The following SMCHD1 variants were observed in gnomAD, a reference collection of about 807,000 sequenced individuals.
The protein encoded by SMCHD1 is structural maintenance of chromosomes flexible hinge domain-containing protein 1.
Under a neutral mutation model 254.7 loss-of-function variants are expected in SMCHD1, and 78 were observed. The ratio of observed to expected loss-of-function variants is 0.31; its 90% CI spans 0.26 to 0.37. The LOEUF (loss-of-function observed/expected upper bound fraction) is 0.37. Ranked by LOEUF, SMCHD1 falls within the 10% of genes least tolerant of loss-of-function variation. SMCHD1 has a pLI of 1.00. For missense variants in SMCHD1, 1,840 were observed against 2,408.1 expected (o/e 0.76, Z 4.94); for synonymous variants, 766 against 794.9 (o/e 0.96, Z 0.61).
At chr18:2,683,198 G>A (rs910364685) in intron 5 of SMCHD1, among the ~76,000 whole-genome samples, 1 of 151,642 alleles carries the variant, frequency 6.6e-6, no homozygotes, top group Middle Eastern at 3.2e-3. Context: ...TAGAAGTATT[G>A]CCATAGTAAC....
At chr18:2,738,048 C>A (rs1317928815) in intron 25 of SMCHD1, among the ~76,000 whole-genome samples, 1 of 152,104 alleles carries the variant, frequency 6.6e-6, no homozygotes, top group Non-Finnish European at 1.5e-5. Flanking sequence ...GGATTCTTTT[C>A]AAAAAATAAT....
rs79163865 is a variant in SMCHD1 at position 2,708,243 on chromosome 18, A to AATTACAGTATTG, written c.2260+335_2260+346dup. 0.19 allele frequency among the ~76,000 whole-genome samples: 29,138 copies of AATTACAGTATTG among 151,806 alleles called. 3,056 individuals are homozygous for AATTACAGTATTG. The highest frequency in any genetic ancestry group is 0.27 in the South Asian group (1,279 of 4,788). On this transcript the variant is annotated intron_variant, in intron 17 of 47. Transcript: ENST00000320876. ...TTACAGTTCTAATAATTACAGTAATAATTACAGTATTGATTACAGTATTAT... is the reference window on the plus strand; with the variant it reads ...TTACAGTTCTAATAATTACAGTAATAATTACAGTATTGATTACAGTATTGATTACAGTATTAT...
intron 5 of SMCHD1, among the ~76,000 whole-genome samples, chr18:2,686,528 C>T (rs1182462981): frequency 6.6e-6 from 1 of 152,028 alleles, no homozygotes; most frequent in African/African-American, 2.4e-5. Context: ...AACATATAGT[C>T]TGTTTTTCTC....
At chr18:2,656,569 G>A (rs1174260418) in intron 1 of SMCHD1, among the ~76,000 whole-genome samples, 1 of 152,260 alleles carries the variant, frequency 6.6e-6, no homozygotes, top group Non-Finnish European at 1.5e-5. Flanking sequence ...GGCGAGCTTA[G>A]CCCGGTTGCG....
intron 3 of SMCHD1, among the ~76,000 whole-genome samples, chr18:2,671,515 T>G (rs1196541379): frequency 6.6e-6 from 1 of 152,072 alleles, no homozygotes; most frequent in Non-Finnish European, 1.5e-5. Flanking sequence ...TCCCGGGTCT[T>G]TCCCTACTTC....
intron 22 of SMCHD1, 140 bp from the exon 23 acceptor site, chr18:2,728,317 A>G (rs2075064595): frequency 1.3e-6 from 1 of 776,618 alleles, no homozygotes; most frequent in Non-Finnish European, 2.0e-6. Flanking sequence ...CTGATTAAGC[A>G]TGGACATTGC....
chr18:2,801,774 T>C (rs771116252), intron 47 of SMCHD1, among the ~76,000 whole-genome samples: 1 of 152,168 alleles, frequency 6.6e-6, no homozygotes, highest in Non-Finnish European at 1.5e-5. Flanking sequence ...AAATGTCATT[T>C]TATGAAACAT....
chr18:2,666,470 A>G (rs2073442524), intron 2 of SMCHD1, among the ~76,000 whole-genome samples: 1 of 152,236 alleles, frequency 6.6e-6, no homozygotes, highest in Admixed American at 6.5e-5. Context: ...TCTGCCTAGC[A>G]CAAATCTTCT....
intron 8 of SMCHD1, among the ~76,000 whole-genome samples, chr18:2,695,776 A>T (rs1234588038): frequency 2.0e-5 from 3 of 152,168 alleles, no homozygotes; most frequent in Admixed American, 6.5e-5. Context: ...TGTTCTTGAG[A>T]GTCTCAATTT....
chr18:2,709,420 G>T (rs544016549), intron 17 of SMCHD1, among the ~76,000 whole-genome samples: 49 of 152,150 alleles, frequency 3.2e-4, no homozygotes, highest in African/African-American at 1.1e-3. Flanking sequence ...TCCCAAAAGT[G>T]GACTTGCTGG....
At chr18:2,703,103 AAG>A (rs775642755) in intron 12 of SMCHD1, among the ~76,000 whole-genome samples, 13 of 152,218 alleles carry the variant, frequency 8.5e-5, no homozygotes, top group Non-Finnish European at 1.6e-4. Flanking sequence ...CTATATATAA[AAG>A]AGAAAATTAA....
chr18:2,687,979 C>A (rs1008088435), intron 5 of SMCHD1, among the ~76,000 whole-genome samples: 2 of 152,154 alleles, frequency 1.3e-5, no homozygotes, highest in African/African-American at 2.4e-5. Context: ...CAGAGCTCTT[C>A]ATTTATCATG....
intron 25 of SMCHD1, among the ~76,000 whole-genome samples, chr18:2,735,657 A>C (rs2075234494): frequency 6.6e-6 from 1 of 152,184 alleles, no homozygotes; most frequent in Non-Finnish European, 1.5e-5. Flanking sequence ...AATCAGTAAC[A>C]CAGTCCCATT....
At position 2,738,469 on chromosome 18, in the gene SMCHD1, T is replaced by G. The variant is rs1487238736; in HGVS notation, c.3349T>G (p.Ser1117Ala). Residue 1117 changes from serine to alanine, a missense_variant, in exon 26 of 48, where the codon TCT becomes GCT. By Grantham distance (99) the Ser-to-Ala change is moderately conservative (BLOSUM62 1). Coordinates refer to ENST00000320876, the MANE Select transcript of SMCHD1 (RefSeq NM_015295.3). ...GLLPDVQVPTSVKDMRYCQVS... is the reference protein window; with the variant it reads ...GLLPDVQVPTAVKDMRYCQVS... ...GCTTCCTGATGTGCAAGTACCAACA[T>G]CTGTAAAAGATATGCGCTATTGCCA... 1.9e-6 allele frequency: 3 copies of G among 1,612,700 alleles called. No homozygotes were observed. Among genetic ancestry groups the G allele is most frequent in the South Asian group, 2.2e-5 (2 of 90,896 alleles).
intron 3 of SMCHD1, among the ~76,000 whole-genome samples, chr18:2,669,889 TTCTCATACC>T (rs1315578385): frequency 1.2e-4 from 18 of 152,208 alleles, no homozygotes; most frequent in African/African-American, 7.2e-5. Flanking sequence ...ATACTTGTAT[TTCTCATACC>T]TCTCATACCT....
Position 2,678,301 on chromosome 18 carries a change from TCC to T in SMCHD1, c.638+4157_638+4158del, listed in dbSNP as rs1378978411. On this transcript the variant is annotated intron_variant, in intron 5 of 47. Coordinates refer to ENST00000320876, the MANE Select transcript of SMCHD1 (RefSeq NM_015295.3). ...TCTCTCTCTTTCTTTCTTTCTTTCT[TCC>T]TTTTTTTTTTTTTTGAGACAGAGTC... is the stretch of plus-strand genomic sequence containing the variant. Among the ~76,000 whole-genome samples, 497 of 135,548 alleles carry T rather than the reference TCC, an allele frequency of 3.7e-3. 3 individuals carry two copies. The highest frequency in any genetic ancestry group is 0.013 in the African/African-American group (478 of 37,958). The allele number at this position is 135,548 out of a possible 152,430, so 88.9% of individuals were successfully genotyped here.
At chr18:2,701,115 G>A (rs970660095) in intron 12 of SMCHD1, 197 bp downstream of exon 12, 43 of 400,332 alleles carry the variant, frequency 1.1e-4, no homozygotes, top group Non-Finnish European at 1.9e-4. Flanking sequence ...AACCTACCTA[G>A]TAAAGACTAG....
chr18:2,666,318 T>C, intron 2 of SMCHD1, 86 bp downstream of exon 2: 2 of 614,248 alleles, frequency 3.3e-6, no homozygotes, highest in Non-Finnish European at 5.6e-6. Flanking sequence ...TAGATATGCA[T>C]CTAAATCTGT....
rs774077337 is a variant in SMCHD1 at position 2,728,517 on chromosome 18, C to T, written c.2834C>T (p.Thr945Ile). Residue 945 changes from threonine to isoleucine, a missense_variant, in exon 23 of 48, where the codon ACA becomes ATA. Thr to Ile is a moderately conservative substitution (Grantham distance 89, BLOSUM62 -1). Around this residue, in one of 9 missense-constraint regions of SMCHD1, gnomAD observed 881 missense variants for 1,009.5 expected, o/e 0.87. Transcript: ENST00000320876. ...GAAATTTTAGTTATAGAAAATGGAA[C>T]AGCTTTCCCATTTCAGGTGGAAGTT... ...DSEILVIENG[T>I]AFPFQVEVLD... 1 of 1,612,978 alleles carries T rather than the reference C, an allele frequency of 6.2e-7. No individual in the cohort carries two copies. The highest frequency in any genetic ancestry group is 1.7e-5 in the Admixed American group (1 of 59,926).
Sources: gnomAD v4.1 joint callset for allele counts (sites outside exome capture counted in the v4.1 genomes callset) on GRCh38, gnomAD v4.1.1 for gene constraint, gnomAD v4.1.1 regional missense constraint, MANE v1.5 for transcripts, NCBI Gene and HGNC (gene_info 2026-07-23, HGNC 2026-07-21) for gene names.